The following MAP7 variants were observed in gnomAD, a reference collection of about 807,000 sequenced individuals.
The protein encoded by MAP7 is microtubule associated protein 7, also known as ensconsin.
MAP7 carries 52 observed loss-of-function variants against 94.8 expected under a neutral mutation model. That is an observed-to-expected ratio of 0.55 (90% confidence interval 0.44 to 0.69). The LOEUF is 0.69. Among genes scored for constraint, MAP7 ranks in the 30% least tolerant of loss-of-function variants. MAP7 has a pLI of 0.00. For synonymous variants in MAP7, 350 were observed against 357.0 expected (o/e 0.98, Z 0.22); for missense variants, 940 against 964.6 (o/e 0.97, Z 0.34).
At chr6:136,402,901 G>T (rs59654447) in intron 3 of MAP7, among the ~76,000 whole-genome samples, 1,232 of 72,300 alleles carry the variant, frequency 0.017, 21 homozygotes, top group Admixed American at 0.086. Context: ...GCAAGACTCT[G>T]TCTCAAAAAA....
At chr6:136,390,127 G>A (rs917033370) in intron 3 of MAP7, among the ~76,000 whole-genome samples, 3 of 152,064 alleles carry the variant, frequency 2.0e-5, no homozygotes, top group Non-Finnish European at 2.9e-5. Flanking sequence ...CAAAATTATC[G>A]TTCAACAATA....
intron 1 of MAP7, among the ~76,000 whole-genome samples, chr6:136,493,496 C>T (rs1335332297): frequency 6.6e-6 from 1 of 152,140 alleles, no homozygotes; most frequent in Non-Finnish European, 1.5e-5. Context: ...TTGTTCACTA[C>T]AGCCTGGACT....
At position 136,465,767 on chromosome 6, in the gene MAP7, C is replaced by A. The variant is rs547254251; in HGVS notation, c.68-43968G>T. Reference sequence around the variant, plus strand: ...CTCTATATTTTATAATCATAAAATACCAAAAGCAAACCACTTATTGACACT... The same window carrying A: ...CTCTATATTTTATAATCATAAAATAACAAAAGCAAACCACTTATTGACACT... On this transcript the variant is annotated intron_variant, in intron 1 of 17. Coordinates refer to ENST00000354570, the MANE Select transcript of MAP7 (RefSeq NM_003980.6). Among the ~76,000 whole-genome samples, 5 of 152,208 alleles carry A rather than the reference C, an allele frequency of 3.3e-5. No homozygotes were observed. In the East Asian group the frequency reaches 9.6e-4, roughly 29 times the overall value.
At chr6:136,408,667 A>G (rs2128731354) in intron 3 of MAP7, among the ~76,000 whole-genome samples, 1 of 152,190 alleles carries the variant, frequency 6.6e-6, no homozygotes, top group South Asian at 2.1e-4. Flanking sequence ...AAAACTTTAA[A>G]GTTTGAAAGT....
intron 6 of MAP7, among the ~76,000 whole-genome samples, chr6:136,381,242 A>G (rs1158091989): frequency 3.9e-5 from 6 of 152,148 alleles, no homozygotes; most frequent in Admixed American, 3.9e-4. Context: ...ACAGTGGTAC[A>G]ATCATAGCTC....
At chr6:136,362,347 C>A in intron 11 of MAP7, 103 bp downstream of exon 11, 1 of 1,387,708 alleles carries the variant, frequency 7.2e-7, no homozygotes, top group Non-Finnish European at 9.9e-7. Flanking sequence ...AGAACTAATC[C>A]ATTCACTTTC....
chr6:136,420,076 G>A lies in MAP7; in HGVS notation c.166+1625C>T, dbSNP rs144803006. On this transcript the variant is annotated intron_variant, in intron 2 of 17. Transcript: ENST00000354570. ...CTGAGCTCGATTAATTACAATGGAG[G>A]GGTCAGTCTCCAACTTAAAGGAAAT... The A allele has an allele frequency of 1.9e-5, 16 of 836,264 alleles. No individual in the cohort carries two copies. The East Asian group carries it at 3.7e-4, about 19-fold the overall frequency. 51.8% of individuals were successfully genotyped at this position (836,264 alleles called of 1,614,324 possible). A position where few individuals can be genotyped will look rare whatever the true frequency, so the allele number is the denominator to read the frequency against.
At chr6:136,502,833 T>C (rs945888223) in intron 1 of MAP7, among the ~76,000 whole-genome samples, 6 of 152,202 alleles carry the variant, frequency 3.9e-5, no homozygotes, top group Non-Finnish European at 2.9e-5. Flanking sequence ...TGATTTTTTT[T>C]TTCCCAGCAA....
At chr6:136,393,979 T>A (rs9494514) in intron 3 of MAP7, among the ~76,000 whole-genome samples, 2,366 of 9,382 alleles carry the variant, frequency 0.25, 215 homozygotes, top group African/African-American at 0.38. Flanking sequence ...AGCAAAGGTA[T>A]TTTTTTTTTT....
intron 1 of MAP7, among the ~76,000 whole-genome samples, chr6:136,539,003 G>A (rs2129059151): frequency 6.6e-6 from 1 of 152,146 alleles, no homozygotes; most frequent in South Asian, 2.1e-4. Context: ...CTACAATGAG[G>A]CCTGAATCAT....
chr6:136,401,962 A>G (rs976810392), intron 3 of MAP7, among the ~76,000 whole-genome samples: 11 of 152,138 alleles, frequency 7.2e-5, no homozygotes, highest in African/African-American at 2.7e-4. Context: ...GTCGTCTCAG[A>G]GATATCTTCC....
In MAP7 at chr6:136,538,798, C is replaced by CAAA. The variant is rs397836178; in HGVS notation, c.67+11541_67+11543dup. 5.5e-3 allele frequency among the ~76,000 whole-genome samples: 357 copies of CAAA among 65,408 alleles called. 8 individuals carry two copies. Among genetic ancestry groups the CAAA allele is most frequent in the African/African-American group, 9.3e-3 (158 of 17,002 alleles). The allele number at this position is 65,408 out of a possible 152,430, so 42.9% of individuals were successfully genotyped here. On this transcript the variant is annotated intron_variant, in intron 1 of 17. Coordinates refer to ENST00000354570, the MANE Select transcript of MAP7 (RefSeq NM_003980.6). ...AGAGCACCAGAGCAAGATTTTGTCT[C>CAAA]AAAAAAAAAAAAAAAAAAAAAAGCC...
rs1284202633 is a variant in MAP7, at chr6:136,343,030, A to G, written c.*1198T>C. 6.6e-6 allele frequency: 1 copy of G among 152,568 alleles called. No individual in the cohort carries two copies. Among genetic ancestry groups the G allele is most frequent in the African/African-American group, 2.4e-5 (1 of 41,466 alleles). 9.5% of individuals were successfully genotyped at this position (152,568 alleles called of 1,614,324 possible). A position where few individuals can be genotyped will look rare whatever the true frequency, so the allele number is the denominator to read the frequency against. Reference sequence around the variant, plus strand: ...ACAGTGGTATAAATTTATCTTTTAAACACTCCACATAAAAACATGTGCACC... The same window carrying G: ...ACAGTGGTATAAATTTATCTTTTAAGCACTCCACATAAAAACATGTGCACC... On this transcript the variant is annotated 3_prime_UTR_variant, in exon 18 of 18. Coordinates refer to ENST00000354570, the MANE Select transcript of MAP7 (RefSeq NM_003980.6).
chr6:136,442,418 A>C (rs1798144699), intron 1 of MAP7, among the ~76,000 whole-genome samples: 2 of 151,890 alleles, frequency 1.3e-5, no homozygotes, highest in African/African-American at 4.8e-5. Flanking sequence ...AAAAAAAAAA[A>C]AAAAAAAAGT....
intron 1 of MAP7, among the ~76,000 whole-genome samples, chr6:136,424,979 T>C (rs373305552): frequency 1.4e-4 from 22 of 152,354 alleles, no homozygotes; most frequent in African/African-American, 4.6e-4. Context: ...CATGGAGGAA[T>C]ACTAGGTTCC....
chr6:136,485,033 A>C (rs2128974615), intron 1 of MAP7, among the ~76,000 whole-genome samples: 1 of 152,244 alleles, frequency 6.6e-6, no homozygotes, highest in South Asian at 2.1e-4. Context: ...CGTAACATTA[A>C]TATTCTTAAT....
At chr6:136,355,066 T>A (rs1032026691) in intron 16 of MAP7, among the ~76,000 whole-genome samples, 14 of 152,120 alleles carry the variant, frequency 9.2e-5, no homozygotes, top group African/African-American at 3.4e-4. Flanking sequence ...CTACTAAAAA[T>A]ACAAAAATTA....
chr6:136,419,852 TTTTGTCACATATTA>T, intron 2 of MAP7: 1 of 404,766 alleles, frequency 2.5e-6, no homozygotes, highest in Non-Finnish European at 4.7e-6. Context: ...TTACTTCAGT[TTTTGTCACATATTA>T]AAGCTGTGTG....
chr6:136,459,849 GAT>G (rs1262689126), intron 1 of MAP7, among the ~76,000 whole-genome samples: 1 of 152,114 alleles, frequency 6.6e-6, no homozygotes, highest in Non-Finnish European at 1.5e-5. Flanking sequence ...TATGGTTAAT[GAT>G]CCTGTATCGT....
Sources: allele counts gnomAD v4.1 joint callset (sites outside exome capture counted in the v4.1 genomes callset), GRCh38; gene constraint gnomAD v4.1.1; transcripts MANE v1.5; gene names NCBI Gene and HGNC (gene_info 2026-07-23, HGNC 2026-07-21).